Variants in PDE11A observed in about 807,000 individuals in gnomAD.
The protein encoded by PDE11A is dual 3',5'-cyclic-AMP and -GMP phosphodiesterase 11A.
A neutral mutation model predicts 100.5 loss-of-function variants in PDE11A; 100 were observed. The observed-to-expected ratio is 1.00, with a 90% CI of 0.85 to 1.18. PDE11A has a LOEUF of 1.18. Ranked by LOEUF, PDE11A falls within the 50% of genes most tolerant of loss-of-function variation. The probability of loss-of-function intolerance (pLI) is 0.00; values close to 1 mark genes in which losing one functional copy is unlikely to be tolerated. For synonymous variants in PDE11A, 381 were observed against 420.8 expected, an observed-to-expected ratio of 0.91 and a Z score of 1.16; for missense variants, 1,141 against 1,152.6, an observed-to-expected ratio of 0.99 and a Z score of 0.15.
At chr2:177,761,881 T>C (rs2082175013) in intron 10 of PDE11A, among the ~76,000 whole-genome samples, 1 of 152,156 alleles carries the variant, frequency 6.6e-6, no homozygotes, top group South Asian at 2.1e-4. Flanking sequence ...AATTAAATAA[T>C]TCGAATTGAA....
Position 177,791,909 on chromosome 2 carries a change from A to G in PDE11A, c.1738-22536T>C, listed in dbSNP as rs151288874. Among the ~76,000 whole-genome samples, 395 of 152,284 alleles carry G rather than the reference A, an allele frequency of 2.6e-3. 8 individuals are homozygous for G. The highest frequency in any genetic ancestry group is 9.2e-3 in the African/African-American group (381 of 41,570). On this transcript the variant is annotated intron_variant, in intron 9 of 19. Coordinates refer to ENST00000286063, the MANE Select transcript of PDE11A (RefSeq NM_016953.4). ...TTTCAATGTCCTTAAGGTGAAAGAA[A>G]TTGCCTATTTCTTTGGAAAACGTTG... is the stretch of plus-strand genomic sequence containing the variant.
chr2:177,667,223 A>G (rs1219626931), intron 18 of PDE11A, among the ~76,000 whole-genome samples: 1 of 152,092 alleles, frequency 6.6e-6, no homozygotes, highest in Non-Finnish European at 1.5e-5. Flanking sequence ...TGTTCAATTT[A>G]ATTTTAATGA....
At chr2:177,824,165 T>G (rs2083191732) in intron 6 of PDE11A, among the ~76,000 whole-genome samples, 1 of 151,696 alleles carries the variant, frequency 6.6e-6, no homozygotes, top group Admixed American at 6.6e-5. Flanking sequence ...AACATTGAGG[T>G]TTCTGGCTTG....
At chr2:177,866,539 A>G (rs1426494391) in intron 5 of PDE11A, among the ~76,000 whole-genome samples, 3 of 152,152 alleles carry the variant, frequency 2.0e-5, no homozygotes, top group Non-Finnish European at 4.4e-5. Context: ...TGCTCATCTA[A>G]TATTGGCATG....
intron 2 of PDE11A, among the ~76,000 whole-genome samples, chr2:178,103,176 T>C (rs1444077402): frequency 8.1e-6 from 1 of 123,698 alleles, no homozygotes; most frequent in Non-Finnish European, 1.8e-5. Context: ...TAAATATACA[T>C]TTCCAGTGGG....
At chr2:177,906,659 T>A (rs75070173) in intron 2 of PDE11A, among the ~76,000 whole-genome samples, 1 of 152,192 alleles carries the variant, frequency 6.6e-6, no homozygotes, top group Admixed American at 6.5e-5. Flanking sequence ...TTTTCACATG[T>A]TGCCTTCTGG....
intron 2 of PDE11A, among the ~76,000 whole-genome samples, chr2:178,081,021 T>C (rs1418302530): frequency 1.3e-5 from 2 of 152,140 alleles, no homozygotes; most frequent in African/African-American, 4.8e-5. Context: ...TAAAGGTAGT[T>C]TGAACTTTGA....
chr2:178,073,865 G>A (rs2087169936), upstream of PDE11A, among the ~76,000 whole-genome samples: 1 of 151,644 alleles, frequency 6.6e-6, no homozygotes, highest in East Asian at 1.9e-4. Flanking sequence ...CAGTCACAAC[G>A]GGAATGTTTA....
chr2:178,027,323 C>T (rs2086490382), intron 1 of PDE11A, among the ~76,000 whole-genome samples: 1 of 152,056 alleles, frequency 6.6e-6, no homozygotes, highest in Non-Finnish European at 1.5e-5. Context: ...TTTATTATGA[C>T]ATGAGAAAGT....
intron 10 of PDE11A, among the ~76,000 whole-genome samples, chr2:177,759,786 G>T (rs2082144198): frequency 6.6e-6 from 1 of 152,164 alleles, no homozygotes. Flanking sequence ...CACATGGATA[G>T]TACAACCACA....
chr2:177,930,786 C>T (rs1040115425), intron 2 of PDE11A, among the ~76,000 whole-genome samples: 4 of 152,204 alleles, frequency 2.6e-5, no homozygotes, highest in African/African-American at 7.2e-5. Flanking sequence ...TGGACAAATG[C>T]AAATGCTCAT....
chr2:178,014,395 C>T lies in PDE11A; in HGVS notation c.978G>A (p.Met326Ile), dbSNP rs2086308761. The T allele has an allele frequency of 1.2e-6, 2 of 1,611,564 alleles. No homozygotes were observed. The highest frequency in any genetic ancestry group is 1.7e-6 in the Non-Finnish European group (2 of 1,177,700). Reference protein sequence around the residue: ...TGYKTKSLLCMPIRSSDGEII... With the variant: ...TGYKTKSLLCIPIRSSDGEII... ...TCTCACCATCACTGCTTCGGATAGG[C>T]ATGCACAATAATGATTTTGTCTTGT... Residue 326 changes from methionine (M) to isoleucine (I), a missense_variant, in exon 2 of 20, where the codon ATG (methionine) becomes ATA (isoleucine). By Grantham distance (10) the Met-to-Ile change is conservative. Transcript: ENST00000286063.
At chr2:177,768,052 A>T (rs574493185) in intron 10 of PDE11A, among the ~76,000 whole-genome samples, 5 of 152,220 alleles carry the variant, frequency 3.3e-5, no homozygotes. Flanking sequence ...TCTTTCCCCA[A>T]AGCATCTCTC....
At chr2:177,853,680 A>ATATG (rs2083766252) in intron 5 of PDE11A, among the ~76,000 whole-genome samples, 14 of 36,514 alleles carry the variant, frequency 3.8e-4, no homozygotes, top group African/African-American at 1.2e-3. Context: ...ATATATATAT[A>ATATG]TGTGTGTGTG....
intron 5 of PDE11A, among the ~76,000 whole-genome samples, chr2:177,851,307 G>A (rs930256683): frequency 2.6e-5 from 4 of 151,964 alleles, no homozygotes; most frequent in Admixed American, 6.6e-5. Context: ...AACACCGCAT[G>A]TTCTCGCTCA....
At chr2:177,735,100 G>A (rs953973022) in intron 10 of PDE11A, among the ~76,000 whole-genome samples, 3 of 152,214 alleles carry the variant, frequency 2.0e-5, no homozygotes, top group East Asian at 3.8e-4. Context: ...AGAAGCAAAC[G>A]GGCAATTACA....
intron 15 of PDE11A, among the ~76,000 whole-genome samples, chr2:177,694,378 A>T (rs1182296640): frequency 6.6e-6 from 1 of 152,216 alleles, no homozygotes; most frequent in Non-Finnish European, 1.5e-5. Flanking sequence ...GCAATAAAAC[A>T]TTAAAAGGAT....
At chr2:177,837,189 T>C (rs2083416340) in intron 6 of PDE11A, among the ~76,000 whole-genome samples, 1 of 152,228 alleles carries the variant, frequency 6.6e-6, no homozygotes, top group African/African-American at 2.4e-5. Flanking sequence ...TTTATGAGTT[T>C]GGTCTTAAGC....
chr2:177,659,572 C>G (rs1334009525), intron 19 of PDE11A, among the ~76,000 whole-genome samples: 1 of 152,080 alleles, frequency 6.6e-6, no homozygotes, highest in African/African-American at 2.4e-5. Flanking sequence ...TCTTAACAAA[C>G]AAAAGATTTA....
Sources: gnomAD v4.1 joint callset for allele counts (sites outside exome capture counted in the v4.1 genomes callset) on GRCh38, gnomAD v4.1.1 for gene constraint, MANE v1.5 for transcripts, NCBI Gene and HGNC (gene_info 2026-07-23, HGNC 2026-07-21) for gene names.